CRACD: variants seen among roughly 807,000 people sequenced by gnomAD.
CRACD encodes the protein capping protein-inhibiting regulator of actin dynamics.
Under a neutral mutation model 106.8 loss-of-function variants are expected in CRACD, and 56 were observed. The observed-to-expected ratio is 0.52, with a 90% confidence interval of 0.42 to 0.66. The LOEUF (loss-of-function observed/expected upper bound fraction) is 0.66, where lower values mean the gene tolerates loss of function less well. CRACD is among the 30% of genes least tolerant of loss of function. CRACD has a pLI of 0.00. For missense variants in CRACD, 1,730 were observed against 1,623.2 expected (o/e 1.07, Z -1.13); for synonymous variants, 754 against 670.8 (o/e 1.12, Z -1.92).
intron 2 of CRACD, among the ~76,000 whole-genome samples, chr4:56,235,548 A>T (rs1487593653): frequency 6.6e-6 from 1 of 152,202 alleles, no homozygotes; most frequent in Non-Finnish European, 1.5e-5. Flanking sequence ...TAAAACTCAC[A>T]GTTGCACAAG....
At chr4:56,325,353 A>G (rs1257948575) in intron 10 of CRACD, among the ~76,000 whole-genome samples, 1 of 152,170 alleles carries the variant, frequency 6.6e-6, no homozygotes, top group African/African-American at 2.4e-5. Context: ...GAAAAGATAA[A>G]TGTGTAAAAT....
intron 1 of CRACD, among the ~76,000 whole-genome samples, chr4:56,090,127 A>G (rs1039724354): frequency 6.6e-6 from 1 of 151,488 alleles, no homozygotes; most frequent in African/African-American, 2.4e-5. Flanking sequence ...TTAATATGAA[A>G]GGTAAACTTT....
chr4:56,057,799 A>ATTTTTTTTTTTTTGT (rs1732129951), intron 1 of CRACD, among the ~76,000 whole-genome samples: 3 of 43,482 alleles, frequency 6.9e-5, no homozygotes, highest in East Asian at 5.3e-4. Context: ...CATTTTTTGT[A>ATTTTTTTTTTTTTGT]TTTTTTTTTT....
chr4:56,161,100 T>C (rs1291795494), intron 1 of CRACD, among the ~76,000 whole-genome samples: 1 of 152,224 alleles, frequency 6.6e-6, no homozygotes, highest in Admixed American at 6.5e-5. Context: ...AGTAATTAAC[T>C]GAAAAGTGTT....
chr4:56,119,070 A>C (rs1734393701), intron 1 of CRACD, among the ~76,000 whole-genome samples: 1 of 152,218 alleles, frequency 6.6e-6, no homozygotes, highest in Non-Finnish European at 1.5e-5. Flanking sequence ...ATCGTCATCA[A>C]CATAGTAGCT....
chr4:56,289,704 A>AG (rs71192088), intron 3 of CRACD, among the ~76,000 whole-genome samples: 1 of 148,314 alleles, frequency 6.7e-6, no homozygotes, highest in Non-Finnish European at 1.5e-5. Context: ...AAAAAAAAAA[A>AG]CAAAGTAAAA....
At chr4:56,051,256 G>A (rs1409702722) in intron 1 of CRACD, among the ~76,000 whole-genome samples, 1 of 152,120 alleles carries the variant, frequency 6.6e-6, no homozygotes, top group Non-Finnish European at 1.5e-5. Context: ...GATGGAATTT[G>A]TTTACTTTTT....
intron 1 of CRACD, among the ~76,000 whole-genome samples, chr4:56,126,613 A>G (rs1230065850): frequency 6.6e-6 from 1 of 152,192 alleles, no homozygotes; most frequent in Non-Finnish European, 1.5e-5. Flanking sequence ...AATTGTTTTA[A>G]CCAGTAGTTC....
chr4:56,070,961 G>A (rs1179979464), intron 1 of CRACD, among the ~76,000 whole-genome samples: 1 of 150,640 alleles, frequency 6.6e-6, no homozygotes, highest in East Asian at 2.0e-4. Flanking sequence ...CCTAGCAGCT[G>A]CCCTGGTAAA....
chr4:56,192,774 G>C (rs1318747682), intron 2 of CRACD, among the ~76,000 whole-genome samples: 1 of 152,126 alleles, frequency 6.6e-6, no homozygotes, highest in African/African-American at 2.4e-5. Context: ...ACCTTTTCCT[G>C]ATCTGAAAAA....
At chr4:56,116,852 C>A (rs1292882369) in intron 1 of CRACD, among the ~76,000 whole-genome samples, 1 of 151,220 alleles carries the variant, frequency 6.6e-6, no homozygotes, top group Non-Finnish European at 1.5e-5. Context: ...GGATTACAGG[C>A]GCACGGCACC....
At chr4:56,117,621 G>A (rs1006443441) in intron 1 of CRACD, among the ~76,000 whole-genome samples, 1 of 152,140 alleles carries the variant, frequency 6.6e-6, no homozygotes, top group African/African-American at 2.4e-5. Context: ...TGGTCACACA[G>A]CATCATGGAC....
At chr4:56,138,471 AAAAAT>A (rs987822380) in intron 1 of CRACD, among the ~76,000 whole-genome samples, 6 of 152,178 alleles carry the variant, frequency 3.9e-5, no homozygotes, top group South Asian at 4.1e-4. Flanking sequence ...TCTCAAAAAG[AAAAAT>A]AAAATAAAAT....
At chr4:56,264,005 G>A (rs1469814498) in intron 2 of CRACD, among the ~76,000 whole-genome samples, 1 of 152,192 alleles carries the variant, frequency 6.6e-6, no homozygotes, top group East Asian at 1.9e-4. Flanking sequence ...TTTGCAGGAT[G>A]TACAGAAGGC....
In CRACD at chr4:56,315,238, G is replaced by A; in HGVS notation, c.1736G>A (p.Ser579Asn). 1.9e-6 allele frequency: 3 copies of A among 1,600,182 alleles called. No homozygotes were observed. Among genetic ancestry groups the A allele is most frequent in the Non-Finnish European group, 2.6e-6 (3 of 1,173,496 alleles). ...CAGGAACCAAAGGCCCCCAAAGCCA[G>A]CCCAGTCCAGCACGCCCTACCGTCG... ...APQEPKAPKA[S>N]PVQHALPSSL... The change falls in exon 8 of 11, where the codon AGC becomes AAC. Residue 579 changes from serine (S) to asparagine (N), a missense_variant. By Grantham distance (46) the Ser-to-Asn change is conservative. Around this residue, in one of 5 missense-constraint regions of CRACD, gnomAD observed 1,620 missense variants for 1,481.6 expected, o/e 1.09. Coordinates refer to ENST00000682029, the MANE Select transcript of CRACD (RefSeq NM_001393381.1). This position sits in a 1 kb window ranked among gnomAD's most constrained non-coding sequence, Gnocchi z 4.1.
intron 1 of CRACD, among the ~76,000 whole-genome samples, chr4:56,169,752 C>T (rs936276147): frequency 2.6e-5 from 4 of 152,258 alleles, no homozygotes; most frequent in African/African-American, 7.2e-5. Flanking sequence ...CCTGCCTTGG[C>T]GTCCCAAAGT....
chr4:56,319,368 G>T (rs1259664565), intron 8 of CRACD, among the ~76,000 whole-genome samples: 1 of 152,112 alleles, frequency 6.6e-6, no homozygotes, highest in African/African-American at 2.4e-5. Context: ...ACTTTGGGAG[G>T]CTGAGGTGGG....
intron 1 of CRACD, among the ~76,000 whole-genome samples, chr4:56,084,147 C>G (rs1733135773): frequency 6.6e-6 from 1 of 152,010 alleles, no homozygotes; most frequent in Non-Finnish European, 1.5e-5. Flanking sequence ...TGTGCATCAC[C>G]CCAAAAGACC....
chr4:56,061,231 C>T (rs563744110), intron 1 of CRACD, among the ~76,000 whole-genome samples: 63 of 152,288 alleles, frequency 4.1e-4, no homozygotes, highest in African/African-American at 1.5e-3. Flanking sequence ...AGTGCAGTGG[C>T]GCAATCATGG....
Sources: gnomAD v4.1 joint callset for allele counts (sites outside exome capture counted in the v4.1 genomes callset) on GRCh38, gnomAD v4.1.1 for gene constraint, gnomAD v4.1.1 regional missense constraint, Gnocchi (gnomAD v3.1) non-coding constraint, MANE v1.5 for transcripts, NCBI Gene and HGNC (gene_info 2026-07-23, HGNC 2026-07-21) for gene names.